BRIP1: variants seen among roughly 807,000 people sequenced by gnomAD.
BRIP1 encodes BRCA1 interacting DNA helicase 1.
A neutral mutation model predicts 119.7 loss-of-function variants in BRIP1; 88 were observed. That is an observed-to-expected ratio of 0.74 (90% CI 0.62 to 0.88). The LOEUF is 0.88. BRIP1 is among the 40% of genes least tolerant of loss of function. BRIP1 has a pLI of 0.00. For synonymous variants in BRIP1, 443 were observed against 496.5 expected (o/e 0.89, Z 1.43); for missense variants, 1,259 against 1,455.4 (o/e 0.87, Z 2.20).
At chr17:61,731,287 T>G (rs1268779298) in intron 16 of BRIP1, among the ~76,000 whole-genome samples, 1 of 152,196 alleles carries the variant, frequency 6.6e-6, no homozygotes, top group Non-Finnish European at 1.5e-5. Flanking sequence ...ACTTTAAGTT[T>G]ATATTCACAT....
At chr17:61,849,070 T>G in intron 5 of BRIP1, 59 bp downstream of exon 5, 1 of 1,573,850 alleles carries the variant, frequency 6.4e-7, no homozygotes, top group Non-Finnish European at 8.7e-7. Context: ...ACATGATACT[T>G]GACTACCATG....
rs914741353 is a variant in BRIP1 at position 61,857,245 on chromosome 17, A to T, written c.206-14T>A. 2.5e-6 allele frequency: 4 copies of T among 1,603,558 alleles called. No homozygotes were observed. Among genetic ancestry groups the T allele is most frequent in the Non-Finnish European group, 3.4e-6 (4 of 1,171,478 alleles). ...CTGCTGGTTTCCCTAAAAATGAAAG[A>T]ACATCTATTTATAATATATCTAATT... On this transcript the variant is annotated splice_polypyrimidine_tract_variant and intron_variant, in intron 3 of 19. Coordinates refer to ENST00000259008, the MANE Select transcript of BRIP1 (RefSeq NM_032043.3). This position sits in a 1 kb window ranked among gnomAD's most constrained non-coding sequence, Gnocchi z 5.1.
rs1253203751 is a variant in BRIP1, at chr17:61,848,981, C to T, written c.507+148G>A. Reference sequence around the variant, plus strand: ...TAATAAACTCCTTTGTAACAAGTAACTCTACAAAATGAAATTACAACAAAT... The same window carrying T: ...TAATAAACTCCTTTGTAACAAGTAATTCTACAAAATGAAATTACAACAAAT... On this transcript the variant is annotated intron_variant, in intron 5 of 19. Transcript: ENST00000259008. The surrounding 1 kb of genome is among the most constrained non-coding windows in gnomAD (Gnocchi z 4.3). 16 of 911,948 alleles carry T rather than the reference C, an allele frequency of 1.8e-5. No individual in the cohort carries two copies. The highest frequency in any genetic ancestry group is 2.7e-4 in the Middle Eastern group (1 of 3,734). 56.5% of individuals were successfully genotyped at this position (911,948 alleles called of 1,614,324 possible). A position where few individuals can be genotyped will look rare whatever the true frequency, so the allele number is the denominator to read the frequency against.
chr17:61,801,106 G>C (rs1197321426), intron 8 of BRIP1, 147 bp downstream of exon 8: 2 of 714,216 alleles, frequency 2.8e-6, no homozygotes, highest in Non-Finnish European at 4.7e-6. Flanking sequence ...CCCATGTTAG[G>C]ATATGTTTTC....
rs1010478213 is a variant in BRIP1, at chr17:61,769,667, G to A, written c.2097+6734C>T. Among the ~76,000 whole-genome samples the A allele has an allele frequency of 6.6e-6, 1 of 152,086 alleles. No individual in the cohort carries two copies. The highest frequency in any genetic ancestry group is 1.5e-5 in the Non-Finnish European group (1 of 68,012). ...CACACCTGTTTTACAACAGAAAAAA[G>A]TTAAACAAACTAAAAATCAATTACT... On this transcript the variant is annotated intron_variant, in intron 14 of 19. Coordinates refer to ENST00000259008, the MANE Select transcript of BRIP1 (RefSeq NM_032043.3). This position sits in a 1 kb window ranked among gnomAD's most constrained non-coding sequence, Gnocchi z 4.9.
intron 14 of BRIP1, among the ~76,000 whole-genome samples, chr17:61,765,220 T>A (rs1484807456): frequency 6.6e-6 from 1 of 150,542 alleles, no homozygotes; most frequent in Non-Finnish European, 1.5e-5. Flanking sequence ...CTTCTCAAAC[T>A]AAGTTACCTG....
At chr17:61,783,274 C>T (rs1424452718) in intron 11 of BRIP1, among the ~76,000 whole-genome samples, 1 of 152,030 alleles carries the variant, frequency 6.6e-6, no homozygotes, top group Non-Finnish European at 1.5e-5. Context: ...AAACACTGTG[C>T]CAAATGAATT....
At chr17:61,785,862 A>G (rs1305841669) in intron 10 of BRIP1, among the ~76,000 whole-genome samples, 1 of 152,122 alleles carries the variant, frequency 6.6e-6, no homozygotes, top group Non-Finnish European at 1.5e-5. Context: ...GAAATCCTAC[A>G]TATTCAATTA....
Position 61,776,524 on chromosome 17 carries a change from C to A in BRIP1, c.1974G>T (p.Arg658=), listed in dbSNP as rs876658617. 1.2e-6 allele frequency: 2 copies of A among 1,614,146 alleles called. No homozygotes were observed. The highest frequency in any genetic ancestry group is 1.7e-6 in the Non-Finnish European group (2 of 1,180,012). ...TATTCTGGAAGGTAGCACAGAGATT[C>A]CGACCCTTGGGGCCTGACCCAATGG... ...VGTIGSGPKG[R]NLCATFQNTE... Residue 658 remains arginine, a synonymous_variant, in exon 14 of 20, where the codon CGG becomes CGT. Coordinates refer to ENST00000259008, the MANE Select transcript of BRIP1 (RefSeq NM_032043.3). The surrounding 1 kb of genome is among the most constrained non-coding windows in gnomAD (Gnocchi z 5.0).
rs1173760917 is a variant in BRIP1 at position 61,806,780 on chromosome 17, C to G, written c.918+1687G>C. Among the ~76,000 whole-genome samples, 1 of 152,222 alleles carries G rather than the reference C, an allele frequency of 6.6e-6. No homozygotes were observed. Among genetic ancestry groups the G allele is most frequent in the African/African-American group, 2.4e-5 (1 of 41,458 alleles). ...TGGCGCGATCTTGGCTCACTGCAACCTCTGCCTCCTGGGTTCAAGCGATTC... is the reference window on the plus strand; with the variant it reads ...TGGCGCGATCTTGGCTCACTGCAACGTCTGCCTCCTGGGTTCAAGCGATTC... On this transcript the variant is annotated intron_variant, in intron 7 of 19. Transcript: ENST00000259008. This position sits in a 1 kb window ranked among gnomAD's most constrained non-coding sequence, Gnocchi z 4.9.
Position 61,841,111 on chromosome 17 carries a change from C to T in BRIP1, c.627+5990G>A, listed in dbSNP as rs2078651330. Reference sequence around the variant, plus strand: ...AAACATAAGACCCAAAACTATAAGACTACTAGAAGAAAACATAGGGCAAAA... The same window carrying T: ...AAACATAAGACCCAAAACTATAAGATTACTAGAAGAAAACATAGGGCAAAA... On this transcript the variant is annotated intron_variant, in intron 6 of 19. Coordinates refer to ENST00000259008, the MANE Select transcript of BRIP1 (RefSeq NM_032043.3). This position sits in a 1 kb window ranked among gnomAD's most constrained non-coding sequence, Gnocchi z 4.1. 6.6e-6 allele frequency among the ~76,000 whole-genome samples: 1 copy of T among 152,104 alleles called. No individual in the cohort carries two copies. The highest frequency in any genetic ancestry group is 2.1e-4 in the South Asian group (1 of 4,832).
intron 6 of BRIP1, among the ~76,000 whole-genome samples, chr17:61,837,577 A>G (rs2078593747): frequency 6.6e-6 from 1 of 152,148 alleles, no homozygotes; most frequent in Non-Finnish European, 1.5e-5. Context: ...GCATAAGAAT[A>G]TATCTGAAGA....
At chr17:61,854,452 A>G (rs2078865570) in intron 4 of BRIP1, among the ~76,000 whole-genome samples, 1 of 152,180 alleles carries the variant, frequency 6.6e-6, no homozygotes, top group South Asian at 2.1e-4. Context: ...CACGCCTGTA[A>G]TCCTAACACT....
At chr17:61,818,953 A>AG (rs1603350951) in intron 6 of BRIP1, among the ~76,000 whole-genome samples, 1 of 152,042 alleles carries the variant, frequency 6.6e-6, no homozygotes, top group East Asian at 1.9e-4. Flanking sequence ...TGGGAGGCCG[A>AG]GGGGGGCAGA....
Position 61,756,976 on chromosome 17 carries a change from T to A in BRIP1, c.2098-12385A>T, listed in dbSNP as rs886146393. On this transcript the variant is annotated intron_variant, in intron 14 of 19. Coordinates refer to ENST00000259008, the MANE Select transcript of BRIP1 (RefSeq NM_032043.3). This position sits in a 1 kb window ranked among gnomAD's most constrained non-coding sequence, Gnocchi z 4.3. The stretch of plus-strand genomic sequence containing the variant: ...ATCTTTTGTAATCTTACTCACATAA[T>A]TTATTTCATAAGTAGAACCTGGTAT... Among the ~76,000 whole-genome samples, 3 of 152,194 alleles carry A rather than the reference T, an allele frequency of 2.0e-5. No individual in the cohort carries two copies. Among genetic ancestry groups the A allele is most frequent in the African/African-American group, 7.2e-5 (3 of 41,452 alleles).
At chr17:61,786,947 TATAA>T (rs1158978006) in intron 10 of BRIP1, among the ~76,000 whole-genome samples, 59 of 108,148 alleles carry the variant, frequency 5.5e-4, no homozygotes, top group South Asian at 3.8e-3. Context: ...TATATTTATA[TATAA>T]TATATTTATA....
rs899735296 is a variant in BRIP1, at chr17:61,860,344, T to A, written c.94-437A>T. On this transcript the variant is annotated intron_variant, in intron 2 of 19. Coordinates refer to ENST00000259008, the MANE Select transcript of BRIP1 (RefSeq NM_032043.3). The surrounding 1 kb of genome is among the most constrained non-coding windows in gnomAD (Gnocchi z 4.1). ...CAGTTCTATGTGTACACCCAAAACC[T>A]TTCCCACATGAACACAAGGAAACAT... 6.6e-6 allele frequency among the ~76,000 whole-genome samples: 1 copy of A among 152,188 alleles called. No homozygotes were observed. The highest frequency in any genetic ancestry group is 2.4e-5 in the African/African-American group (1 of 41,448).
intron 14 of BRIP1, among the ~76,000 whole-genome samples, chr17:61,772,230 A>G (rs1243851671): frequency 7.0e-6 from 1 of 142,318 alleles, no homozygotes; most frequent in Admixed American, 7.0e-5. Context: ...TTATTCTGCC[A>G]TAAAAAGGAT....
chr17:61,764,965 C>A (rs1280167794), intron 14 of BRIP1, among the ~76,000 whole-genome samples: 2 of 151,782 alleles, frequency 1.3e-5, no homozygotes, highest in Non-Finnish European at 2.9e-5. Context: ...GACCATTAGG[C>A]CAGAAAGGTT....
Sources: gnomAD v4.1 joint callset for allele counts (sites outside exome capture counted in the v4.1 genomes callset) on GRCh38, gnomAD v4.1.1 for gene constraint, Gnocchi (gnomAD v3.1) non-coding constraint, MANE v1.5 for transcripts, NCBI Gene and HGNC (gene_info 2026-07-23, HGNC 2026-07-21) for gene names.